Variants in ARNT2 observed in about 807,000 individuals in gnomAD.
ARNT2 encodes the protein ARNT protein 2.
ARNT2 carries 36 observed loss-of-function variants against 91.7 expected under a neutral mutation model. The observed-to-expected ratio is 0.39, with a 90% CI of 0.30 to 0.52. The LOEUF is 0.52. Ranked by LOEUF, ARNT2 falls within the 20% of genes least tolerant of loss-of-function variation. ARNT2 has a pLI of 0.72. For missense variants in ARNT2, 775 were observed against 939.3 expected (o/e 0.83, Z 2.29); for synonymous variants, 365 against 347.1 (o/e 1.05, Z -0.57).
intron 5 of ARNT2, among the ~76,000 whole-genome samples, chr15:80,505,328 C>A (rs1897258760): frequency 6.6e-6 from 1 of 152,118 alleles, no homozygotes; most frequent in South Asian, 2.1e-4. Context: ...GTGATGACTG[C>A]CCTTTTTCAG....
chr15:80,479,884 T>A (rs1294098278), intron 5 of ARNT2, among the ~76,000 whole-genome samples: 1 of 152,070 alleles, frequency 6.6e-6, no homozygotes, highest in Non-Finnish European at 1.5e-5. Context: ...CCAAGGCACT[T>A]GGATTCAGAA....
At chr15:80,569,642 A>C (rs2141473052) in intron 12 of ARNT2, among the ~76,000 whole-genome samples, 1 of 152,284 alleles carries the variant, frequency 6.6e-6, no homozygotes, top group Admixed American at 6.5e-5. Flanking sequence ...CATACCTGCG[A>C]CCTAATTTTT....
chr15:80,565,111 G>T (rs35504760), intron 12 of ARNT2, among the ~76,000 whole-genome samples: 63,743 of 151,794 alleles, frequency 0.42, 14,268 homozygotes, highest in Non-Finnish European at 0.5. Context: ...TTTTAGCAGA[G>T]ATGGGGTTTT....
chr15:80,519,897 A>C (rs1897508106), intron 8 of ARNT2, among the ~76,000 whole-genome samples: 8 of 129,302 alleles, frequency 6.2e-5, no homozygotes, highest in East Asian at 2.2e-4. Flanking sequence ...ATGGGGTTTC[A>C]CCATGTTAGC....
At chr15:80,581,920 G>A (rs7403013) in intron 17 of ARNT2, among the ~76,000 whole-genome samples, 31,183 of 152,132 alleles carry the variant, frequency 0.2, 3,694 homozygotes, top group African/African-American at 0.31. Flanking sequence ...CCCACTCTCC[G>A]TGTGTGTAAG....
At chr15:80,457,139 CAG>C in intron 2 of ARNT2, among the ~76,000 whole-genome samples, 2 of 152,340 alleles carry the variant, frequency 1.3e-5, no homozygotes, top group East Asian at 1.9e-4. Context: ...ATTACCATTA[CAG>C]AGACATGATT....
chr15:80,585,414 A>G (rs1389535498), intron 17 of ARNT2, among the ~76,000 whole-genome samples: 2 of 152,214 alleles, frequency 1.3e-5, no homozygotes, highest in Non-Finnish European at 2.9e-5. Flanking sequence ...GACTAATTAA[A>G]GGTGGTTAAG....
chr15:80,472,149 G>A (rs954136900), intron 4 of ARNT2, among the ~76,000 whole-genome samples: 1 of 152,172 alleles, frequency 6.6e-6, no homozygotes, highest in African/African-American at 2.4e-5. Flanking sequence ...ACAGTTGTCA[G>A]GGCATGCAGT....
chr15:80,425,213 C>T (rs1895916386), intron 1 of ARNT2, among the ~76,000 whole-genome samples: 1 of 152,200 alleles, frequency 6.6e-6, no homozygotes, highest in Non-Finnish European at 1.5e-5. Flanking sequence ...CAAGAATACC[C>T]TTTGGAGGAT....
chr15:80,417,432 C>T (rs990714956), intron 1 of ARNT2, among the ~76,000 whole-genome samples: 8 of 152,200 alleles, frequency 5.3e-5, no homozygotes, highest in African/African-American at 1.9e-4. Flanking sequence ...GACTTAAAAA[C>T]CAAATTCGGG....
intron 17 of ARNT2, among the ~76,000 whole-genome samples, chr15:80,584,729 T>C (rs983026938): frequency 2.0e-5 from 3 of 152,242 alleles, no homozygotes; most frequent in Non-Finnish European, 4.4e-5. Flanking sequence ...CTGGGGCCTA[T>C]TGGTGTGGCA....
At chr15:80,569,742 C>T (rs541238478) in intron 12 of ARNT2, among the ~76,000 whole-genome samples, 60 of 152,344 alleles carry the variant, frequency 3.9e-4, no homozygotes, top group African/African-American at 1.4e-3. Flanking sequence ...ACCAAGAACC[C>T]TTATCACAGC....
intron 3 of ARNT2, among the ~76,000 whole-genome samples, chr15:80,459,631 T>C (rs1896525392): frequency 6.6e-6 from 1 of 152,156 alleles, no homozygotes; most frequent in Non-Finnish European, 1.5e-5. Context: ...GAAATAATAG[T>C]GCAGGGGTAC....
chr15:80,531,680 A>G (rs1452989327), intron 8 of ARNT2, among the ~76,000 whole-genome samples: 1 of 152,172 alleles, frequency 6.6e-6, no homozygotes, highest in Non-Finnish European at 1.5e-5. Flanking sequence ...CTAACCGGTA[A>G]AATCCTTGAG....
chr15:80,404,564 C>T lies in ARNT2; in HGVS notation c.31+18C>T, dbSNP rs1895568737. 1 of 1,103,090 alleles carries T rather than the reference C, an allele frequency of 9.1e-7. No homozygotes were observed. The highest frequency in any genetic ancestry group is 1.1e-6 in the Non-Finnish European group (1 of 899,948). The allele number at this position is 1,103,090 out of a possible 1,614,324, so 68.3% of individuals were successfully genotyped here. A position where few individuals can be genotyped will look rare whatever the true frequency, so the allele number is the denominator to read the frequency against. ...CCCTCCGGGTGAGTAGCGGCCTGGGCCCCGCCGCCCGCCGCAGCCCGCAGG... is the reference window on the plus strand; with the variant it reads ...CCCTCCGGGTGAGTAGCGGCCTGGGTCCCGCCGCCCGCCGCAGCCCGCAGG... On this transcript the variant is annotated intron_variant, in intron 1 of 18. Transcript: ENST00000303329. This position sits in a 1 kb window ranked among gnomAD's most constrained non-coding sequence, Gnocchi z 5.5.
intron 1 of ARNT2, among the ~76,000 whole-genome samples, chr15:80,445,491 T>TGTGTGA (rs1224894768): frequency 2.0e-5 from 3 of 150,236 alleles, no homozygotes; most frequent in Non-Finnish European, 1.5e-5. Flanking sequence ...GTGTGTGGTG[T>TGTGTGA]GTGTGAGTGG....
chr15:80,432,501 C>A (rs1466476068), intron 1 of ARNT2, among the ~76,000 whole-genome samples: 2 of 152,194 alleles, frequency 1.3e-5, no homozygotes, highest in Non-Finnish European at 2.9e-5. Flanking sequence ...TGAAACACAA[C>A]CACCCCCACT....
In ARNT2 at chr15:80,404,437, G is replaced by A; in HGVS notation, c.-79G>A. On this transcript the variant is annotated 5_prime_UTR_variant, in exon 1 of 19. Coordinates refer to ENST00000303329, the MANE Select transcript of ARNT2 (RefSeq NM_014862.4). This position sits in a 1 kb window ranked among gnomAD's most constrained non-coding sequence, Gnocchi z 5.5. ...GGCGGCGGCGCCTGGGCCTGACCGG[G>A]TCCCCGGGGCTGAGCGCCGGGCTCC... The A allele has an allele frequency of 9.9e-7, 1 of 1,007,838 alleles. No homozygotes were observed. The highest frequency in any genetic ancestry group is 1.2e-6 in the Non-Finnish European group (1 of 814,230). The allele number at this position is 1,007,838 out of a possible 1,614,324, so 62.4% of individuals were successfully genotyped here.
chr15:80,533,420 A>T (rs1242578223), intron 8 of ARNT2, among the ~76,000 whole-genome samples: 2 of 152,082 alleles, frequency 1.3e-5, no homozygotes, highest in Non-Finnish European at 2.9e-5. Context: ...TCATGGAGGA[A>T]CGGTCAACAC....
Sources: allele counts gnomAD v4.1 joint callset (sites outside exome capture counted in the v4.1 genomes callset), GRCh38; gene constraint gnomAD v4.1.1; non-coding constraint Gnocchi (gnomAD v3.1); transcripts MANE v1.5; gene names NCBI Gene and HGNC (gene_info 2026-07-23, HGNC 2026-07-21).